TOP3A: variants seen among roughly 807,000 people sequenced by gnomAD.
TOP3A encodes the protein DNA topoisomerase III alpha.
Under a neutral mutation model 111.3 loss-of-function variants are expected in TOP3A, and 64 were observed. The ratio of observed to expected loss-of-function variants is 0.57; its 90% confidence interval spans 0.47 to 0.71. The LOEUF is 0.71. Among genes scored for constraint, TOP3A ranks in the 30% least tolerant of loss-of-function variants. The pLI, the probability that TOP3A is intolerant of heterozygous loss-of-function variation, is 0.00. For synonymous variants in TOP3A, 484 were observed against 485.1 expected, an observed-to-expected ratio of 1.00 and a Z score of 0.03; for missense variants, 1,104 against 1,285.0, an observed-to-expected ratio of 0.86 and a Z score of 2.15.
At position 18,271,724 on chromosome 17, in the gene TOP3A, G is replaced by T; in HGVS notation, c.*3078C>A. 4.8e-6 allele frequency: 2 copies of T among 420,142 alleles called. No individual in the cohort carries two copies. Among genetic ancestry groups the T allele is most frequent in the South Asian group, 3.4e-5 (2 of 58,412 alleles). The allele number at this position is 420,142 out of a possible 1,614,324, so 26.0% of individuals were successfully genotyped here. On this transcript the variant is annotated 3_prime_UTR_variant, in exon 19 of 19. Transcript: ENST00000321105. Reference sequence around the variant, plus strand: ...GCATCTGATATCCAGAAACTATTAAGAACTCCTACAACTCAACAACAAAGA... The same window carrying T: ...GCATCTGATATCCAGAAACTATTAATAACTCCTACAACTCAACAACAAAGA...
intron 1 of TOP3A, among the ~76,000 whole-genome samples, chr17:18,309,709 CTTT>C (rs749580212): frequency 3.9e-5 from 5 of 128,760 alleles, no homozygotes; most frequent in Non-Finnish European, 4.9e-5. Context: ...TATAGAAGTT[CTTT>C]TTTTTTTTTT....
intron 13 of TOP3A, among the ~76,000 whole-genome samples, chr17:18,287,507 C>CA (rs1403731191): frequency 6.6e-6 from 1 of 150,964 alleles, no homozygotes; most frequent in Admixed American, 6.6e-5. Flanking sequence ...GCCTGGGTGA[C>CA]AGAGTAAGAC....
At position 18,278,237 on chromosome 17, in the gene TOP3A, G is replaced by GC; in HGVS notation, c.2264dup (p.Arg758GlnfsTer3). The GC allele has an allele frequency of 6.3e-7, 1 of 1,575,652 alleles. No individual in the cohort carries two copies. Among genetic ancestry groups the GC allele is most frequent in the East Asian group, 2.3e-5 (1 of 44,414 alleles). ...CAGAGGGCTGGCTAGCCCTGGGGGG[G>GC]CCCCCTGAAAATCTCAGGTCCAGGA... On this transcript the variant is annotated frameshift_variant, in exon 18 of 19. Transcript: ENST00000321105. LOFTEE classifies it high-confidence loss of function.
At chr17:18,305,505 C>T (rs968688956) in intron 4 of TOP3A, among the ~76,000 whole-genome samples, 5 of 151,874 alleles carry the variant, frequency 3.3e-5, no homozygotes, top group African/African-American at 1.2e-4. Context: ...CGCGCGCGCG[C>T]ACGCACACTT....
At chr17:18,310,525 G>A (rs1347675356) in intron 1 of TOP3A, among the ~76,000 whole-genome samples, 1 of 152,136 alleles carries the variant, frequency 6.6e-6, no homozygotes, top group Non-Finnish European at 1.5e-5. Flanking sequence ...TGACACAAAA[G>A]AGCATGTAAG....
chr17:18,286,800 G>T (rs561732016), intron 13 of TOP3A, among the ~76,000 whole-genome samples: 8 of 152,128 alleles, frequency 5.3e-5, no homozygotes, highest in Non-Finnish European at 1.2e-4. Context: ...GTACAAAACT[G>T]TTCACAGCAG....
At chr17:18,310,357 C>T (rs199545431) in intron 1 of TOP3A, among the ~76,000 whole-genome samples, 1 of 151,716 alleles carries the variant, frequency 6.6e-6, no homozygotes, top group Non-Finnish European at 1.5e-5. Context: ...ACCTGGGAGG[C>T]GGTGGTTACA....
chr17:18,294,816 G>A (rs1267128298), intron 9 of TOP3A, 31 bp from the exon 10 acceptor site: 1 of 1,468,242 alleles, frequency 6.8e-7, no homozygotes, highest in South Asian at 1.1e-5. Context: ...CATGTTAGGT[G>A]TACTGCATGG....
At chr17:18,304,244 C>T (rs974329116) in intron 5 of TOP3A, among the ~76,000 whole-genome samples, 1 of 152,192 alleles carries the variant, frequency 6.6e-6, no homozygotes, top group Non-Finnish European at 1.5e-5. Context: ...GGATTACAGG[C>T]ATGAGCCACC....
At chr17:18,306,619 G>T (rs796183493) in intron 4 of TOP3A, 2 of 326,212 alleles carry the variant, frequency 6.1e-6, no homozygotes, top group South Asian at 3.9e-5. Context: ...TCCTGCCTTG[G>T]CCCCACAAAT....
intron 1 of TOP3A, among the ~76,000 whole-genome samples, chr17:18,309,827 A>G (rs1981805635): frequency 6.9e-6 from 1 of 144,054 alleles, no homozygotes; most frequent in Non-Finnish European, 1.5e-5. Context: ...CTCCTGCCTC[A>G]GCCTCCCGAG....
At position 18,272,089 on chromosome 17, in the gene TOP3A, TA is replaced by T. The variant is rs1403177321; in HGVS notation, c.*2712del. ...TCAAAAAAAAATAAAAAATAAAAAA[TA>T]AAAAATGGGTGAAGAACTTAAATCG... On this transcript the variant is annotated 3_prime_UTR_variant, in exon 19 of 19. Transcript: ENST00000321105. Among the ~76,000 whole-genome samples, 1 of 151,598 alleles carries T rather than the reference TA, an allele frequency of 6.6e-6. No homozygotes were observed. The highest frequency in any genetic ancestry group is 1.9e-4 in the East Asian group (1 of 5,174).
At chr17:18,290,452 A>C in intron 13 of TOP3A, 105 bp downstream of exon 13, 1 of 1,255,624 alleles carries the variant, frequency 8.0e-7, no homozygotes, top group Non-Finnish European at 1.1e-6. Flanking sequence ...GGATAAAGAT[A>C]TAGCAGCTGC....
intron 10 of TOP3A, among the ~76,000 whole-genome samples, chr17:18,293,654 T>A (rs1454608269): frequency 6.6e-6 from 1 of 151,928 alleles, no homozygotes; most frequent in Non-Finnish European, 1.5e-5. Flanking sequence ...TGGAGTGCAG[T>A]GGCGTGATCT....
chr17:18,304,228 G>A (rs1038400919), intron 5 of TOP3A, among the ~76,000 whole-genome samples: 2 of 152,150 alleles, frequency 1.3e-5, no homozygotes, highest in Admixed American at 1.3e-4. Context: ...GCCTCCCAAA[G>A]TGCTGGGATT....
intron 16 of TOP3A, among the ~76,000 whole-genome samples, chr17:18,281,439 G>A (rs367908682): frequency 1.3e-5 from 2 of 152,044 alleles, no homozygotes; most frequent in African/African-American, 4.8e-5. Flanking sequence ...AATAACTAAA[G>A]AATAATAATA....
chr17:18,305,486 A>ACACGCGCGCGCGCG (rs1164323613), intron 4 of TOP3A, among the ~76,000 whole-genome samples: 25 of 149,412 alleles, frequency 1.7e-4, no homozygotes, highest in Admixed American at 1.2e-3. Context: ...ACACACACAC[A>ACACGCGCGCGCGCG]CGCGCGCGCG....
chr17:18,285,721 A>G (rs944762456), intron 13 of TOP3A, among the ~76,000 whole-genome samples: 20 of 152,122 alleles, frequency 1.3e-4, no homozygotes, highest in African/African-American at 3.6e-4. Context: ...ACATCCCATT[A>G]CTCAGGAAAG....
Position 18,314,687 on chromosome 17 carries a change from C to T in TOP3A, c.92G>A (p.Arg31Gln). The change falls in exon 1 of 19, where the codon CGA becomes CAA. Residue 31 changes from arginine (R) to glutamine (Q), a missense_variant. By Grantham distance (43) the Arg-to-Gln change is conservative (BLOSUM62 1). Coordinates refer to ENST00000321105, the MANE Select transcript of TOP3A (RefSeq NM_004618.5). Reference sequence around the variant, plus strand: ...CACACAGAGGACTTTCCGCACGCCTCGGAGGGCCATCTCCATGGCGGCGCG... The same window carrying T: ...CACACAGAGGACTTTCCGCACGCCTTGGAGGGCCATCTCCATGGCGGCGCG... ...FSRAAMEMAL[R>Q]GVRKVLCVAE... 1 of 1,612,636 alleles carries T rather than the reference C, an allele frequency of 6.2e-7. No homozygotes were observed. The highest frequency in any genetic ancestry group is 8.5e-7 in the Non-Finnish European group (1 of 1,179,410).
Sources: allele counts gnomAD v4.1 joint callset (sites outside exome capture counted in the v4.1 genomes callset), GRCh38; gene constraint gnomAD v4.1.1; transcripts MANE v1.5; gene names NCBI Gene and HGNC (gene_info 2026-07-23, HGNC 2026-07-21).